Variants in EFL1 observed in about 807,000 individuals in gnomAD.
The protein encoded by EFL1 is elongation factor like GTPase 1.
Under a neutral mutation model 126.7 loss-of-function variants are expected in EFL1, and 76 were observed. That is an observed-to-expected ratio of 0.60 (90% CI 0.50 to 0.73). The LOEUF (loss-of-function observed/expected upper bound fraction) is 0.73. EFL1 is among the 30% of genes least tolerant of loss of function. The probability of loss-of-function intolerance (pLI) is 0.00; values close to 1 mark genes in which losing one functional copy is unlikely to be tolerated. For synonymous variants in EFL1, 410 were observed against 448.4 expected, an observed-to-expected ratio of 0.91 and a Z score of 1.08; for missense variants, 1,128 against 1,343.2, an observed-to-expected ratio of 0.84 and a Z score of 2.50.
intron 15 of EFL1, among the ~76,000 whole-genome samples, chr15:82,182,411 C>T (rs2074260822): frequency 6.6e-6 from 1 of 152,194 alleles, no homozygotes; most frequent in African/African-American, 2.4e-5. Context: ...GGTTTTCCTT[C>T]ATGAAGCACA....
At chr15:82,154,767 T>A (rs2073949978) in intron 17 of EFL1, among the ~76,000 whole-genome samples, 1 of 152,122 alleles carries the variant, frequency 6.6e-6, no homozygotes, top group South Asian at 2.1e-4. Flanking sequence ...GCACTTCTTT[T>A]TGTTCTTTTT....
At chr15:82,163,758 C>A in intron 16 of EFL1, 95 bp downstream of exon 16, 1 of 1,420,486 alleles carries the variant, frequency 7.0e-7, no homozygotes, top group Admixed American at 2.3e-5. Context: ...TCATTATATA[C>A]TGCTGAAACA....
intron 12 of EFL1, 76 bp downstream of exon 12, chr15:82,225,089 C>A: frequency 8.5e-7 from 1 of 1,173,166 alleles, no homozygotes; most frequent in Non-Finnish European, 1.2e-6. Context: ...CGTGCCCCCC[C>A]TACCCACAGC....
chr15:82,131,636 C>T (rs2073646169), intron 19 of EFL1, among the ~76,000 whole-genome samples: 1 of 151,862 alleles, frequency 6.6e-6, no homozygotes, highest in African/African-American at 2.4e-5. Flanking sequence ...ACTAAAAATA[C>T]AAAAAATTAG....
At chr15:82,149,292 A>G (rs1293558818) in intron 18 of EFL1, among the ~76,000 whole-genome samples, 2 of 152,228 alleles carry the variant, frequency 1.3e-5, no homozygotes, top group Non-Finnish European at 2.9e-5. Flanking sequence ...CTCATACACA[A>G]ATAAATATAG....
chr15:82,241,496 A>G (rs966296952), intron 4 of EFL1, 93 bp from the exon 5 acceptor site: 13 of 1,444,390 alleles, frequency 9.0e-6, no homozygotes, highest in Admixed American at 2.5e-5. Context: ...GAAAGCTTCT[A>G]AGAAAAAACT....
Position 82,170,091 on chromosome 15 carries a change from G to A in EFL1, c.1751-6107C>T, listed in dbSNP as rs148572936. Among the ~76,000 whole-genome samples the A allele has an allele frequency of 6.6e-4, 99 of 149,640 alleles. 3 individuals carry two copies. In the East Asian group the frequency reaches 0.017, roughly 26 times the overall value. Reference sequence around the variant, plus strand: ...GGAAGGAGTGATGAGGTGTGGAAATGGCACCACTGGATGTCTTTTTTTTTT... The same window carrying A: ...GGAAGGAGTGATGAGGTGTGGAAATAGCACCACTGGATGTCTTTTTTTTTT... On this transcript the variant is annotated intron_variant, in intron 15 of 19. Transcript: ENST00000268206.
intron 15 of EFL1, among the ~76,000 whole-genome samples, chr15:82,181,614 G>A (rs1053362109): frequency 7.8e-6 from 1 of 128,670 alleles, no homozygotes; most frequent in African/African-American, 3.3e-5. Flanking sequence ...TCTAATTTAT[G>A]TGTGTGCATG....
chr15:82,207,779 G>A (rs2074541490), intron 15 of EFL1, among the ~76,000 whole-genome samples: 1 of 148,936 alleles, frequency 6.7e-6, no homozygotes. Flanking sequence ...GGAGTGCAAT[G>A]GTGCGGGCTC....
chr15:82,204,187 T>C (rs2074500728), intron 15 of EFL1, among the ~76,000 whole-genome samples: 1 of 152,190 alleles, frequency 6.6e-6, no homozygotes, highest in African/African-American at 2.4e-5. Flanking sequence ...TTTCAGGTCA[T>C]ACTAGAAACA....
At chr15:82,151,099 G>A (rs2073901533) in intron 18 of EFL1, among the ~76,000 whole-genome samples, 1 of 152,046 alleles carries the variant, frequency 6.6e-6, no homozygotes, top group African/African-American at 2.4e-5. Flanking sequence ...AAGATTTTTG[G>A]GTCTGCCAGG....
intron 4 of EFL1, among the ~76,000 whole-genome samples, chr15:82,243,920 G>C (rs1310075024): frequency 3.9e-5 from 6 of 152,102 alleles, no homozygotes; most frequent in Admixed American, 3.3e-4. Context: ...ATATAGCTGA[G>C]AAATAAACAG....
intron 7 of EFL1, among the ~76,000 whole-genome samples, 196 bp from the exon 8 acceptor site, chr15:82,231,167 C>T (rs998469675): frequency 5.9e-5 from 9 of 152,058 alleles, no homozygotes; most frequent in East Asian, 3.9e-4. Flanking sequence ...TAAATCCAAG[C>T]GGTCTGGCTC....
In EFL1 at chr15:82,150,367, A is replaced by G. The variant is rs189118251; in HGVS notation, c.2989+1098T>C. On this transcript the variant is annotated intron_variant, in intron 18 of 19. Transcript: ENST00000268206. The stretch of plus-strand genomic sequence containing the variant: ...GGGCCTCAGGGTTAGAGGAAACTTA[A>G]TAATTTGGCCGATTCTCTCATCCAG... 4.2e-4 allele frequency among the ~76,000 whole-genome samples: 64 copies of G among 152,348 alleles called. 2 individuals are homozygous for G. The highest frequency in any genetic ancestry group is 3.7e-3 in the Admixed American group (57 of 15,304).
At chr15:82,170,924 A>C (rs2074129006) in intron 15 of EFL1, among the ~76,000 whole-genome samples, 1 of 152,238 alleles carries the variant, frequency 6.6e-6, no homozygotes, top group South Asian at 2.1e-4. Flanking sequence ...TGGGGGAAAC[A>C]CACAAGATTC....
intron 15 of EFL1, among the ~76,000 whole-genome samples, chr15:82,169,297 A>G (rs761158301): frequency 2.6e-5 from 4 of 152,158 alleles, no homozygotes; most frequent in Non-Finnish European, 5.9e-5. Context: ...TCACAACTGT[A>G]TCATTTTCCT....
At position 82,205,303 on chromosome 15, in the gene EFL1, A is replaced by C. The variant is rs141004036; in HGVS notation, c.1750+9414T>G. On this transcript the variant is annotated intron_variant, in intron 15 of 19. Transcript: ENST00000268206. ...TCCAATTTAGTCAAGGTATAATCTA[A>C]TGATTTGCTAGCAAATGCTCGTTGT... Among the ~76,000 whole-genome samples, 830 of 152,264 alleles carry C rather than the reference A, an allele frequency of 5.5e-3. 3 individuals are homozygous for C. The highest frequency in any genetic ancestry group is 0.012 in the Admixed American group (188 of 15,302).
intron 8 of EFL1, among the ~76,000 whole-genome samples, chr15:82,229,637 T>C (rs1007365164): frequency 4.6e-5 from 7 of 152,244 alleles, no homozygotes; most frequent in African/African-American, 1.7e-4. Flanking sequence ...TATTAATAAA[T>C]TGATACCTCC....
intron 6 of EFL1, 112 bp downstream of exon 6, chr15:82,240,306 A>C (rs2074917551): frequency 3.0e-6 from 3 of 995,792 alleles, no homozygotes; most frequent in Non-Finnish European, 4.4e-6. Flanking sequence ...ACACGTATGA[A>C]TCTGAAGTGG....
Sources: gnomAD v4.1 joint callset for allele counts (sites outside exome capture counted in the v4.1 genomes callset) on GRCh38, gnomAD v4.1.1 for gene constraint, MANE v1.5 for transcripts, NCBI Gene and HGNC (gene_info 2026-07-23, HGNC 2026-07-21) for gene names.